The following BRAF variants were observed in gnomAD, a reference collection of about 807,000 sequenced individuals.
BRAF encodes the protein serine/threonine-protein kinase B-raf.
BRAF carries 16 observed loss-of-function variants against 104.6 expected under a neutral mutation model. The observed-to-expected ratio is 0.15, with a 90% CI of 0.10 to 0.23. The LOEUF (loss-of-function observed/expected upper bound fraction) is 0.23, where lower values mean the gene tolerates loss of function less well. BRAF is among the 10% of genes least tolerant of loss of function. The pLI is 1.00. For synonymous variants in BRAF, 310 were observed against 341.6 expected (o/e 0.91, Z 1.02); for missense variants, 541 against 937.3 (o/e 0.58, Z 5.52).
At chr7:140,895,770 C>T (rs1434353457) in intron 1 of BRAF, among the ~76,000 whole-genome samples, 2 of 152,156 alleles carry the variant, frequency 1.3e-5, no homozygotes, top group African/African-American at 2.4e-5. Context: ...TTCCTTTTTA[C>T]GGCTGAATAG....
chr7:140,858,533 G>A (rs562670223), intron 1 of BRAF, among the ~76,000 whole-genome samples: 31 of 152,288 alleles, frequency 2.0e-4, no homozygotes, highest in African/African-American at 7.0e-4. Flanking sequence ...GAACAAAACA[G>A]TAGGTGGTCA....
chr7:140,729,956 A>C (rs1039017586), intron 19 of BRAF, among the ~76,000 whole-genome samples: 1 of 152,204 alleles, frequency 6.6e-6, no homozygotes, highest in Non-Finnish European at 1.5e-5. Flanking sequence ...TCAAAAGTCT[A>C]GTGCTTCTAA....
rs1295356520 is a variant in BRAF at position 140,879,755 on chromosome 7, G to C, written c.139-29543C>G. On this transcript the variant is annotated intron_variant, in intron 1 of 19. Transcript: ENST00000644969. ...CTTTCTTTTTTTTTTTTTTAAGATGGAGTCTTGCTCTGTCGCCCAGGGTGG... is the reference window on the plus strand; with the variant it reads ...CTTTCTTTTTTTTTTTTTTAAGATGCAGTCTTGCTCTGTCGCCCAGGGTGG... 2.0e-5 allele frequency among the ~76,000 whole-genome samples: 3 copies of C among 150,136 alleles called. No individual in the cohort carries two copies. The East Asian group carries it at 5.9e-4, about 29-fold the overall frequency.
At chr7:140,773,058 C>T (rs1800001423) in intron 14 of BRAF, among the ~76,000 whole-genome samples, 1 of 152,098 alleles carries the variant, frequency 6.6e-6, no homozygotes, top group Non-Finnish European at 1.5e-5. Context: ...GTTTAGTGGA[C>T]ATAAAGTTAT....
At position 140,725,276 on chromosome 7, in the gene BRAF, CA is replaced by C; in HGVS notation, c.*1217del. The C allele has an allele frequency of 1.9e-6, 2 of 1,042,216 alleles. No homozygotes were observed. The highest frequency in any genetic ancestry group is 2.3e-6 in the Non-Finnish European group (2 of 864,224). The allele number at this position is 1,042,216 out of a possible 1,614,324, so 64.6% of individuals were successfully genotyped here. ...AGCAAAGATGTTAGTGTGGATCCAG[CA>C]AGTACCATTAATTGAAAAATTATAA... On this transcript the variant is annotated 3_prime_UTR_variant, in exon 20 of 20. Coordinates refer to ENST00000644969, the MANE Select transcript of BRAF (RefSeq NM_001374258.1).
At position 140,722,131 on chromosome 7, in the gene BRAF, G is replaced by A. The variant is rs1163727731; in HGVS notation, c.*4363C>T. 1 of 1,068,826 alleles carries A rather than the reference G, an allele frequency of 9.4e-7. No homozygotes were observed. The highest frequency in any genetic ancestry group is 1.1e-6 in the Non-Finnish European group (1 of 882,080). 66.2% of individuals were successfully genotyped at this position (1,068,826 alleles called of 1,614,324 possible). Reference sequence around the variant, plus strand: ...TGAAGAGCCTATGGGAGTAGAAAAAGTTTCTCTAGAAATGTCACTGAACTA... The same window carrying A: ...TGAAGAGCCTATGGGAGTAGAAAAAATTTCTCTAGAAATGTCACTGAACTA... On this transcript the variant is annotated 3_prime_UTR_variant, in exon 20 of 20. Transcript: ENST00000644969.
intron 5 of BRAF, among the ~76,000 whole-genome samples, chr7:140,807,413 A>G (rs1302295604): frequency 6.6e-6 from 1 of 152,228 alleles, no homozygotes; most frequent in Non-Finnish European, 1.5e-5. Flanking sequence ...TTACATAGTC[A>G]TACTAAAATA....
chr7:140,922,988 T>C (rs954474854), intron 1 of BRAF, among the ~76,000 whole-genome samples: 1 of 152,042 alleles, frequency 6.6e-6, no homozygotes, highest in Non-Finnish European at 1.5e-5. Context: ...GAGAGGAAAC[T>C]GATCTAAGCA....
intron 1 of BRAF, among the ~76,000 whole-genome samples, chr7:140,879,205 T>C (rs769856635): frequency 1.3e-5 from 2 of 150,892 alleles, no homozygotes; most frequent in Non-Finnish European, 3.0e-5. Flanking sequence ...ATTTTTGAGA[T>C]AGGGTTTTGC....
intron 14 of BRAF, among the ~76,000 whole-genome samples, chr7:140,772,281 A>T (rs1425934724): frequency 1.6e-5 from 2 of 128,820 alleles, no homozygotes; most frequent in South Asian, 2.2e-4. Context: ...CTACAACAAC[A>T]ACAACAACAA....
At chr7:140,875,808 A>G (rs1812179582) in intron 1 of BRAF, among the ~76,000 whole-genome samples, 1 of 152,252 alleles carries the variant, frequency 6.6e-6, no homozygotes, top group Non-Finnish European at 1.5e-5. Context: ...GTGCTGAAAG[A>G]GAAAAAAACT....
intron 1 of BRAF, among the ~76,000 whole-genome samples, chr7:140,917,972 G>A (rs746516440): frequency 6.6e-6 from 1 of 152,064 alleles, no homozygotes; most frequent in Non-Finnish European, 1.5e-5. Context: ...ATTGTGAGAG[G>A]AACTGTATGT....
chr7:140,813,456 A>G (rs943191882), intron 3 of BRAF, among the ~76,000 whole-genome samples: 4 of 152,250 alleles, frequency 2.6e-5, no homozygotes, highest in African/African-American at 9.6e-5. Context: ...CGAAATTTGT[A>G]TCTATCAAAG....
chr7:140,723,512 T>A lies in BRAF; in HGVS notation c.*2982A>T. 1 of 1,052,608 alleles carries A rather than the reference T, an allele frequency of 9.5e-7. No individual in the cohort carries two copies. Among genetic ancestry groups the A allele is most frequent in the Non-Finnish European group, 1.1e-6 (1 of 871,484 alleles). 65.2% of individuals were successfully genotyped at this position (1,052,608 alleles called of 1,614,324 possible). ...ACAGAATCTTCTTTTAAGGTGCACA[T>A]TAACAACAAATGATCACACTGAATT... On this transcript the variant is annotated 3_prime_UTR_variant, in exon 20 of 20. Transcript: ENST00000644969.
Position 140,725,294 on chromosome 7 carries a change from A to C in BRAF, c.*1200T>G. On this transcript the variant is annotated 3_prime_UTR_variant, in exon 20 of 20. Transcript: ENST00000644969. ...GATCCAGCAAGTACCATTAATTGAA[A>C]AATTATAAATATTTGTCATTATGCT... 1 of 1,036,960 alleles carries C rather than the reference A, an allele frequency of 9.6e-7. No homozygotes were observed. Among genetic ancestry groups the C allele is most frequent in the Non-Finnish European group, 1.2e-6 (1 of 859,370 alleles). 64.2% of individuals were successfully genotyped at this position (1,036,960 alleles called of 1,614,324 possible).
intron 1 of BRAF, among the ~76,000 whole-genome samples, chr7:140,920,154 G>A: frequency 6.6e-6 from 1 of 152,058 alleles, no homozygotes; most frequent in South Asian, 2.1e-4. Context: ...GACAATATGA[G>A]GCAGAAATGT....
chr7:140,856,702 G>A (rs1327134812), intron 1 of BRAF, among the ~76,000 whole-genome samples: 3 of 152,108 alleles, frequency 2.0e-5, no homozygotes, highest in Non-Finnish European at 4.4e-5. Context: ...TGAAAGACAC[G>A]AAGCACAAAA....
At chr7:140,846,945 C>G (rs1209465321) in intron 2 of BRAF, among the ~76,000 whole-genome samples, 1 of 151,856 alleles carries the variant, frequency 6.6e-6, no homozygotes, top group Non-Finnish European at 1.5e-5. Flanking sequence ...GACTTCAGGT[C>G]AGGAGTTTGA....
In BRAF at chr7:140,725,150, G is replaced by A. The variant is rs982407683; in HGVS notation, c.*1344C>T. 110 of 1,042,584 alleles carry A rather than the reference G, an allele frequency of 1.1e-4. 1 individual carries two copies. In the Middle Eastern group the frequency reaches 2.7e-3, roughly 25 times the overall value. The allele number at this position is 1,042,584 out of a possible 1,614,324, so 64.6% of individuals were successfully genotyped here. A position where few individuals can be genotyped will look rare whatever the true frequency, so the allele number is the denominator to read the frequency against. On this transcript the variant is annotated 3_prime_UTR_variant, in exon 20 of 20. Transcript: ENST00000644969. Reference sequence around the variant, plus strand: ...AGGAAGAAGGAGAATGAATGGAGACGCCACCATTTTTATTTTAGGTTGCAT... The same window carrying A: ...AGGAAGAAGGAGAATGAATGGAGACACCACCATTTTTATTTTAGGTTGCAT...
Sources: allele counts gnomAD v4.1 joint callset (sites outside exome capture counted in the v4.1 genomes callset), GRCh38; gene constraint gnomAD v4.1.1; transcripts MANE v1.5; gene names NCBI Gene and HGNC (gene_info 2026-07-23, HGNC 2026-07-21).